Variants in TMTC2 observed in about 807,000 individuals in gnomAD.
The protein encoded by TMTC2 is protein O-mannosyl-transferase TMTC2.
Under a neutral mutation model 82.4 loss-of-function variants are expected in TMTC2, and 43 were observed. That is an observed-to-expected ratio of 0.52 (90% confidence interval 0.41 to 0.67). TMTC2 has a LOEUF of 0.67. Ranked by LOEUF, TMTC2 falls within the 30% of genes least tolerant of loss-of-function variation. TMTC2 has a pLI of 0.00. For synonymous variants in TMTC2, 408 were observed against 381.9 expected (o/e 1.07, Z -0.80); for missense variants, 919 against 1,012.4 (o/e 0.91, Z 1.25).
intron 4 of TMTC2, among the ~76,000 whole-genome samples, chr12:82,937,749 T>TATATATATATATATATATAC (rs1565818189): frequency 1.5e-4 from 15 of 100,054 alleles, no homozygotes; most frequent in African/African-American, 6.8e-4. Context: ...TGTGTGTGTG[T>TATATATATATATATATATAC]GTATATATAT....
chr12:82,702,204 A>G (rs1160405036), intron 1 of TMTC2, among the ~76,000 whole-genome samples: 1 of 152,262 alleles, frequency 6.6e-6, no homozygotes, highest in African/African-American at 2.4e-5. Context: ...AGTTAATACA[A>G]TAAACCATAT....
At chr12:83,025,093 G>A (rs1276848887) in intron 8 of TMTC2, among the ~76,000 whole-genome samples, 1 of 152,116 alleles carries the variant, frequency 6.6e-6, no homozygotes, top group East Asian at 1.9e-4. Flanking sequence ...TCTGGAGGCT[G>A]AGGCATGAGA....
intron 11 of TMTC2, among the ~76,000 whole-genome samples, chr12:83,102,534 T>C (rs1290967174): frequency 6.6e-6 from 1 of 152,200 alleles, no homozygotes; most frequent in African/African-American, 2.4e-5. Context: ...GTCATGCATG[T>C]GATAAGTGTT....
At chr12:82,976,542 A>G (rs1878682553) in intron 7 of TMTC2, among the ~76,000 whole-genome samples, 1 of 152,036 alleles carries the variant, frequency 6.6e-6, no homozygotes, top group Admixed American at 6.6e-5. Flanking sequence ...CTTTTCTCAA[A>G]TTAAGACTTG....
chr12:82,739,937 G>T (rs1875313415), intron 1 of TMTC2, among the ~76,000 whole-genome samples: 1 of 151,886 alleles, frequency 6.6e-6, no homozygotes, highest in Non-Finnish European at 1.5e-5. Flanking sequence ...AAGTGTGATT[G>T]TTATAAAGAT....
intron 4 of TMTC2, among the ~76,000 whole-genome samples, chr12:82,964,119 G>A (rs1362862920): frequency 6.6e-6 from 1 of 151,692 alleles, no homozygotes; most frequent in African/African-American, 2.4e-5. Flanking sequence ...AATTTGAGAT[G>A]ATAACAGCAG....
chr12:82,796,165 G>A (rs1878707967), intron 1 of TMTC2, among the ~76,000 whole-genome samples: 1 of 152,214 alleles, frequency 6.6e-6, no homozygotes, highest in Non-Finnish European at 1.5e-5. Context: ...GGTGGGTGTG[G>A]AGTTTTGGGA....
chr12:82,802,785 G>A (rs750283053), intron 1 of TMTC2, among the ~76,000 whole-genome samples: 1 of 152,080 alleles, frequency 6.6e-6, no homozygotes, highest in Admixed American at 6.6e-5. Flanking sequence ...GCACGCTAAG[G>A]GGTTTAGACT....
At chr12:82,845,524 A>G (rs1870610360) in intron 1 of TMTC2, among the ~76,000 whole-genome samples, 1 of 151,938 alleles carries the variant, frequency 6.6e-6, no homozygotes, top group Non-Finnish European at 1.5e-5. Context: ...GTTGTTTCTA[A>G]TTTCAAATCT....
chr12:82,816,863 G>C (rs1346233315), intron 1 of TMTC2, among the ~76,000 whole-genome samples: 1 of 152,008 alleles, frequency 6.6e-6, no homozygotes, highest in Non-Finnish European at 1.5e-5. Flanking sequence ...GCTTATTCCA[G>C]TCTGCACTGT....
At chr12:82,723,272 TCTC>T (rs1319109994) in intron 1 of TMTC2, among the ~76,000 whole-genome samples, 2 of 152,186 alleles carry the variant, frequency 1.3e-5, no homozygotes, top group African/African-American at 2.4e-5. Context: ...AACCAGGGAC[TCTC>T]CTAGTGGTTG....
chr12:82,852,704 A>G lies in TMTC2; in HGVS notation c.84-4306A>G, dbSNP rs112909288. On this transcript the variant is annotated intron_variant, in intron 1 of 11. Coordinates refer to ENST00000321196, the MANE Select transcript of TMTC2 (RefSeq NM_152588.3). ...GGACTCATAGAAGGAAATGCAAATG[A>G]ATCAAAATCTATTATGCTTAGGTTT... Among the ~76,000 whole-genome samples, 524 of 152,318 alleles carry G rather than the reference A, an allele frequency of 3.4e-3. 3 individuals carry two copies. Among genetic ancestry groups the G allele is most frequent in the African/African-American group, 0.012 (495 of 41,568 alleles).
In TMTC2 at chr12:83,134,038, G is replaced by A. The variant is rs1413716233; in HGVS notation, c.*1649G>A. ...TCTGAATACAGTGGGATAAATAATT[G>A]AAAGTAGTGTTCCTATGGCATTAGT... On this transcript the variant is annotated 3_prime_UTR_variant, in exon 12 of 12. Coordinates refer to ENST00000321196, the MANE Select transcript of TMTC2 (RefSeq NM_152588.3). 6.6e-6 allele frequency: 1 copy of A among 152,516 alleles called. No homozygotes were observed. The highest frequency in any genetic ancestry group is 1.5e-5 in the Non-Finnish European group (1 of 68,024). The allele number at this position is 152,516 out of a possible 1,614,324, so 9.4% of individuals were successfully genotyped here. A position where few individuals can be genotyped will look rare whatever the true frequency, so the allele number is the denominator to read the frequency against.
At chr12:82,819,033 A>G (rs1361568680) in intron 1 of TMTC2, among the ~76,000 whole-genome samples, 3 of 152,020 alleles carry the variant, frequency 2.0e-5, no homozygotes, top group Non-Finnish European at 4.4e-5. Context: ...TTTCCTAATA[A>G]TTAGTCCAGT....
At chr12:82,787,881 C>T (rs1878259570) in intron 1 of TMTC2, among the ~76,000 whole-genome samples, 1 of 151,882 alleles carries the variant, frequency 6.6e-6, no homozygotes, top group Non-Finnish European at 1.5e-5. Context: ...CCAATGCACT[C>T]CAGCCTGGGT....
At chr12:82,740,372 C>T (rs1178465913) in intron 1 of TMTC2, among the ~76,000 whole-genome samples, 8 of 152,170 alleles carry the variant, frequency 5.3e-5, no homozygotes, top group Admixed American at 5.2e-4. Context: ...AGATAAATCC[C>T]TGCCTCTTGG....
intron 1 of TMTC2, among the ~76,000 whole-genome samples, chr12:82,810,534 C>T (rs898453627): frequency 6.6e-6 from 1 of 151,970 alleles, no homozygotes; most frequent in Non-Finnish European, 1.5e-5. Flanking sequence ...TCTGTAAGAT[C>T]CTCTTTCAAG....
chr12:82,895,928 C>G lies in TMTC2; in HGVS notation c.765C>G (p.Asn255Lys). The G allele has an allele frequency of 6.2e-7, 1 of 1,613,976 alleles. No homozygotes were observed. Among genetic ancestry groups the G allele is most frequent in the Non-Finnish European group, 8.5e-7 (1 of 1,180,012 alleles). ...GAAACAAACCACCAAGCTTTTCCAACTCGGACAACCCCGCTGCTGATTCGG... is the reference window on the plus strand; with the variant it reads ...GAAACAAACCACCAAGCTTTTCCAAGTCGGACAACCCCGCTGCTGATTCGG... ...WMGNKPPSFS[N>K]SDNPAADSDS... The change falls in exon 3 of 12, where the codon AAC becomes AAG. Residue 255 changes from asparagine (N) to lysine (K), a missense_variant. By Grantham distance (94) the Asn-to-Lys change is moderately conservative. Coordinates refer to ENST00000321196, the MANE Select transcript of TMTC2 (RefSeq NM_152588.3).
chr12:82,799,028 A>C (rs182155636), intron 1 of TMTC2, among the ~76,000 whole-genome samples: 15 of 152,282 alleles, frequency 9.9e-5, no homozygotes, highest in Admixed American at 9.8e-4. Context: ...CCTTTACAAC[A>C]GAAAGTTCCT....
Sources: gnomAD v4.1 joint callset for allele counts (sites outside exome capture counted in the v4.1 genomes callset) on GRCh38, gnomAD v4.1.1 for gene constraint, MANE v1.5 for transcripts, NCBI Gene and HGNC (gene_info 2026-07-23, HGNC 2026-07-21) for gene names.